The following PALM2AKAP2 variants were observed in gnomAD, a reference collection of about 807,000 sequenced individuals.
The protein encoded by PALM2AKAP2 is PALM2-AKAP2 fusion protein.
Under a neutral mutation model 71.5 loss-of-function variants are expected in PALM2AKAP2, and 37 were observed. The ratio of observed to expected loss-of-function variants is 0.52; its 90% CI spans 0.40 to 0.68. The LOEUF is 0.68. Among genes scored for constraint, PALM2AKAP2 ranks in the 30% least tolerant of loss-of-function variants. PALM2AKAP2 has a pLI of 0.00. For synonymous variants in PALM2AKAP2, 468 were observed against 478.8 expected, an observed-to-expected ratio of 0.98 and a Z score of 0.29; for missense variants, 1,224 against 1,191.8, an observed-to-expected ratio of 1.03 and a Z score of -0.40.
intron 6 of PALM2AKAP2, among the ~76,000 whole-genome samples, chr9:110,014,676 G>T (rs1366195822): frequency 1.3e-5 from 2 of 149,716 alleles, no homozygotes; most frequent in Non-Finnish European, 1.5e-5. Flanking sequence ...GGGAGGCTGA[G>T]GCCAGAGAAT....
At chr9:109,956,807 G>A (rs1216248472) in intron 6 of PALM2AKAP2, among the ~76,000 whole-genome samples, 2 of 152,170 alleles carry the variant, frequency 1.3e-5, no homozygotes, top group African/African-American at 4.8e-5. Flanking sequence ...AATCAAGATA[G>A]CAGTAACTTT....
chr9:109,800,013 A>G (rs1564154475), intron 1 of PALM2AKAP2, among the ~76,000 whole-genome samples: 1 of 152,184 alleles, frequency 6.6e-6, no homozygotes, highest in Non-Finnish European at 1.5e-5. Flanking sequence ...AGGGAAAGCT[A>G]AGAATTCAGT....
chr9:109,992,920 C>A (rs1316625976), intron 6 of PALM2AKAP2, among the ~76,000 whole-genome samples: 1 of 145,706 alleles, frequency 6.9e-6, no homozygotes, highest in African/African-American at 2.5e-5. Flanking sequence ...TCAATCTTTT[C>A]TTTTAAATTC....
At chr9:109,646,849 C>A (rs1827163176) in intron 1 of PALM2AKAP2, among the ~76,000 whole-genome samples, 1 of 152,182 alleles carries the variant, frequency 6.6e-6, no homozygotes, top group African/African-American at 2.4e-5. Flanking sequence ...TCTGATGACA[C>A]AAAATGTGGC....
At chr9:110,034,340 T>G (rs781197382) in intron 7 of PALM2AKAP2, among the ~76,000 whole-genome samples, 42 of 151,954 alleles carry the variant, frequency 2.8e-4, no homozygotes, top group Non-Finnish European at 1.2e-4. Flanking sequence ...GTATTTTTAG[T>G]AGAGACAGGG....
At chr9:109,823,777 G>A (rs1207604370) in intron 1 of PALM2AKAP2, among the ~76,000 whole-genome samples, 1 of 152,166 alleles carries the variant, frequency 6.6e-6, no homozygotes, top group Non-Finnish European at 1.5e-5. Flanking sequence ...GGGGGTGAGG[G>A]GAGTAAATAG....
chr9:110,089,313 A>C (rs565019256), intron 1 of PALM2AKAP2, among the ~76,000 whole-genome samples: 17 of 152,336 alleles, frequency 1.1e-4, no homozygotes, highest in Non-Finnish European at 2.2e-4. Context: ...AATGTTTTAA[A>C]GTGGAATTAA....
intron 1 of PALM2AKAP2, among the ~76,000 whole-genome samples, chr9:109,816,905 T>A (rs1280642743): frequency 6.6e-6 from 1 of 152,196 alleles, no homozygotes; most frequent in Non-Finnish European, 1.5e-5. Flanking sequence ...CCATATTCAT[T>A]GAGTCTGAAA....
At chr9:109,687,112 A>G (rs577151097) in intron 1 of PALM2AKAP2, among the ~76,000 whole-genome samples, 1 of 152,220 alleles carries the variant, frequency 6.6e-6, no homozygotes, top group South Asian at 2.1e-4. Context: ...AGTCTTTGCT[A>G]TTGTGAATAG....
chr9:109,923,573 C>T (rs1554726932), intron 3 of PALM2AKAP2, among the ~76,000 whole-genome samples, 162 bp from the exon 4 acceptor site: 1 of 152,184 alleles, frequency 6.6e-6, no homozygotes, highest in Non-Finnish European at 1.5e-5. Context: ...GAGCTGGAAA[C>T]ACAAGATGCT....
At chr9:109,716,091 G>A (rs990376779) in intron 1 of PALM2AKAP2, among the ~76,000 whole-genome samples, 6 of 152,160 alleles carry the variant, frequency 3.9e-5, no homozygotes, top group Non-Finnish European at 8.8e-5. Context: ...TTTTAAATGA[G>A]CCAAAACTGT....
At chr9:110,035,573 TTG>T (rs1195901555) in intron 7 of PALM2AKAP2, among the ~76,000 whole-genome samples, 30 of 138,554 alleles carry the variant, frequency 2.2e-4, no homozygotes, top group African/African-American at 2.2e-4. Flanking sequence ...ATAGGATATG[TTG>T]TGTTATATAT....
intron 1 of PALM2AKAP2, chr9:110,125,741 G>A: frequency 3.1e-6 from 1 of 318,196 alleles, no homozygotes; most frequent in Non-Finnish European, 4.5e-6. Context: ...TGGAGAGTAG[G>A]CAGCCGAGCT....
Position 109,984,149 on chromosome 9 carries a change from A to G in PALM2AKAP2, c.497-31805A>G, listed in dbSNP as rs192925789. Among the ~76,000 whole-genome samples the G allele has an allele frequency of 1.9e-3, 289 of 152,272 alleles. 1 individual carries two copies. The highest frequency in any genetic ancestry group is 6.9e-3 in the Admixed American group (106 of 15,300). On this transcript the variant is annotated intron_variant, in intron 6 of 9. Coordinates refer to the PALM2AKAP2 transcript ENST00000302798. ...CATTGACTTTGAGACCCTTAACCCT[A>G]TATATTTTTAATAATACTATTGGGG...
At chr9:110,029,064 C>T (rs1190438201) in intron 7 of PALM2AKAP2, among the ~76,000 whole-genome samples, 2 of 151,976 alleles carry the variant, frequency 1.3e-5, no homozygotes, top group African/African-American at 4.8e-5. Context: ...TATCAAGGGA[C>T]ATCCCTTGAT....
At chr9:109,809,637 G>T (rs1827675173) in intron 1 of PALM2AKAP2, among the ~76,000 whole-genome samples, 1 of 152,210 alleles carries the variant, frequency 6.6e-6, no homozygotes, top group Non-Finnish European at 1.5e-5. Flanking sequence ...GACTTTGGGG[G>T]ACTATTGGGA....
intron 1 of PALM2AKAP2, among the ~76,000 whole-genome samples, chr9:109,655,725 A>C (rs529950558): frequency 4.0e-4 from 61 of 152,306 alleles, no homozygotes; most frequent in African/African-American, 1.5e-3. Flanking sequence ...ACTTTGTGTA[A>C]TGCTTTGAAG....
At chr9:110,044,943 T>C (rs1051924127), upstream of PALM2AKAP2, among the ~76,000 whole-genome samples, 6 of 152,180 alleles carry the variant, frequency 3.9e-5, no homozygotes, top group African/African-American at 4.8e-5. Context: ...ATTTAGTTCA[T>C]TTTGCTCAGT....
At chr9:109,770,928 T>G (rs12348362) in intron 1 of PALM2AKAP2, among the ~76,000 whole-genome samples, 1 of 152,204 alleles carries the variant, frequency 6.6e-6, no homozygotes, top group African/African-American at 2.4e-5. Context: ...AATACTATTG[T>G]ATTTCCCATT....
Sources: gnomAD v4.1 joint callset for allele counts (sites outside exome capture counted in the v4.1 genomes callset) on GRCh38, gnomAD v4.1.1 for gene constraint, MANE v1.5 for transcripts, NCBI Gene and HGNC (gene_info 2026-07-23, HGNC 2026-07-21) for gene names.